The following DYM variants were observed in gnomAD, a reference collection of about 807,000 sequenced individuals.
DYM encodes the protein dyggve-Melchior-Clausen syndrome protein.
A neutral mutation model predicts 93.1 loss-of-function variants in DYM; 78 were observed. That is an observed-to-expected ratio of 0.84 (90% confidence interval 0.70 to 1.01). DYM has a LOEUF of 1.01. Among genes scored for constraint, DYM ranks in the 50% least tolerant of loss-of-function variants. The probability of loss-of-function intolerance (pLI) is 0.00; values close to 1 mark genes in which losing one functional copy is unlikely to be tolerated. For missense variants in DYM, 789 were observed against 845.0 expected, an observed-to-expected ratio of 0.93 and a Z score of 0.82; for synonymous variants, 321 against 319.7, an observed-to-expected ratio of 1.00 and a Z score of -0.04.
Position 49,209,601 on chromosome 18 carries a change from C to T in DYM, c.1575G>A (p.Glu525=), listed in dbSNP as rs531216929. The stretch of plus-strand genomic sequence containing the variant: ...GAGAGCAAGTTAAAGACAAGAGTTC[C>T]TCTCCATTGTCACTGAGGGTCGAGA... ...HCFSTLSDNG[E]ELLSLTCSHI... is the part of the protein sequence containing the mutation. The change falls in exon 14 of 18, where the codon GAG becomes GAA. Residue 525 remains glutamate, a synonymous_variant. Coordinates refer to ENST00000675505, the MANE Select transcript of DYM (RefSeq NM_001353214.3). 1 of 1,289,592 alleles carries T rather than the reference C, an allele frequency of 7.8e-7. No individual in the cohort carries two copies. Among genetic ancestry groups the T allele is most frequent in the East Asian group, 5.5e-5 (1 of 18,032 alleles). The allele number at this position is 1,289,592 out of a possible 1,614,324, so 79.9% of individuals were successfully genotyped here.
At chr18:49,266,167 G>C (rs905058032) in intron 11 of DYM, among the ~76,000 whole-genome samples, 2 of 152,102 alleles carry the variant, frequency 1.3e-5, no homozygotes, top group South Asian at 4.2e-4. Flanking sequence ...ATGAAAAGAA[G>C]TGTGGAATTA....
chr18:49,198,887 C>T (rs2091751677), intron 14 of DYM, among the ~76,000 whole-genome samples: 3 of 151,508 alleles, frequency 2.0e-5, no homozygotes, highest in Admixed American at 1.3e-4. Flanking sequence ...GGTATATACC[C>T]AAAGGATTAT....
chr18:49,191,510 AG>A (rs1479195292), intron 14 of DYM, among the ~76,000 whole-genome samples: 2 of 152,186 alleles, frequency 1.3e-5, no homozygotes, highest in African/African-American at 4.8e-5. Flanking sequence ...AATTTTTATA[AG>A]GATTAGTAGC....
chr18:49,143,772 A>G (rs1440992284), intron 15 of DYM, among the ~76,000 whole-genome samples: 1 of 152,106 alleles, frequency 6.6e-6, no homozygotes, highest in African/African-American at 2.4e-5. Flanking sequence ...GAAATTTCAA[A>G]TATATACAAA....
At chr18:49,434,968 G>A (rs2080692544) in intron 1 of DYM, among the ~76,000 whole-genome samples, 1 of 152,058 alleles carries the variant, frequency 6.6e-6, no homozygotes, top group Non-Finnish European at 1.5e-5. Flanking sequence ...AGCACTTTAG[G>A]AAGCCAAGGC....
At chr18:49,384,504 T>C (rs113011316) in intron 3 of DYM, among the ~76,000 whole-genome samples, 1,626 of 151,086 alleles carry the variant, frequency 0.011, 28 homozygotes, top group African/African-American at 0.038. Context: ...CGCATGCTTG[T>C]AATCCCAACT....
At chr18:49,408,975 C>T (rs2071859012) in intron 2 of DYM, among the ~76,000 whole-genome samples, 1 of 152,068 alleles carries the variant, frequency 6.6e-6, no homozygotes. Flanking sequence ...TCAGTTGTGA[C>T]AGAAAAAGTA....
At chr18:49,347,864 T>G (rs9948397) in intron 6 of DYM, among the ~76,000 whole-genome samples, 3,970 of 152,318 alleles carry the variant, frequency 0.026, 160 homozygotes, top group African/African-American at 0.089. Flanking sequence ...ATCTTTCTTG[T>G]TTTAATGTCA....
intron 15 of DYM, among the ~76,000 whole-genome samples, chr18:49,138,145 T>C (rs1211154614): frequency 6.6e-6 from 1 of 152,204 alleles, no homozygotes; most frequent in East Asian, 1.9e-4. Context: ...TGCCATGATC[T>C]GAACTAATTT....
At chr18:49,267,894 C>T (rs556459196) in intron 11 of DYM, among the ~76,000 whole-genome samples, 27 of 149,888 alleles carry the variant, frequency 1.8e-4, no homozygotes, top group Admixed American at 4.0e-4. Flanking sequence ...GAGACTGTGT[C>T]TCAAACAAAC....
intron 8 of DYM, among the ~76,000 whole-genome samples, chr18:49,318,797 C>CT (rs932617888): frequency 0.038 from 4,392 of 114,320 alleles, 362 homozygotes; most frequent in African/African-American, 0.098. Flanking sequence ...ATTTCTTTTT[C>CT]TTTTTTTTTT....
intron 2 of DYM, among the ~76,000 whole-genome samples, chr18:49,410,660 A>G (rs959986959): frequency 2.6e-5 from 4 of 152,018 alleles, no homozygotes; most frequent in African/African-American, 9.7e-5. Flanking sequence ...AAAAAAAAAA[A>G]AAATTAGCTG....
At chr18:49,289,881 A>G (rs2059999666) in intron 8 of DYM, among the ~76,000 whole-genome samples, 1 of 149,582 alleles carries the variant, frequency 6.7e-6, no homozygotes, top group Non-Finnish European at 1.5e-5. Flanking sequence ...AAATGTAATG[A>G]TGATGAGATG....
At chr18:49,161,261 T>C (rs1833248861) in intron 15 of DYM, among the ~76,000 whole-genome samples, 1 of 152,204 alleles carries the variant, frequency 6.6e-6, no homozygotes, top group South Asian at 2.1e-4. Flanking sequence ...TTCACAGGAC[T>C]GTTACAAATT....
At chr18:49,321,883 T>C (rs1359305616) in intron 8 of DYM, among the ~76,000 whole-genome samples, 1 of 152,144 alleles carries the variant, frequency 6.6e-6, no homozygotes, top group Non-Finnish European at 1.5e-5. Context: ...AGTGTTTTAA[T>C]TAGAAATCTG....
intron 14 of DYM, among the ~76,000 whole-genome samples, chr18:49,198,010 A>G (rs2091634274): frequency 2.6e-5 from 4 of 152,222 alleles, no homozygotes; most frequent in Admixed American, 2.6e-4. Flanking sequence ...CCAAAACAGC[A>G]TGGTACTGGT....
rs181057634 is a variant in DYM, at chr18:49,446,851, G to C, written c.-54+13547C>G. On this transcript the variant is annotated intron_variant, in intron 1 of 17. Transcript: ENST00000675505. ...AAGTGGGTGGATCACCTGAGGTCAG[G>C]AGTTCGAGACCAACCTGGCCAACAC... Among the ~76,000 whole-genome samples, 4 of 152,248 alleles carry C rather than the reference G, an allele frequency of 2.6e-5. No homozygotes were observed. The East Asian group carries it at 7.7e-4, about 29-fold the overall frequency.
chr18:49,242,760 C>T (rs1352711816), intron 13 of DYM, among the ~76,000 whole-genome samples: 5 of 152,164 alleles, frequency 3.3e-5, no homozygotes, highest in African/African-American at 9.7e-5. Context: ...AGTGCAGTGG[C>T]GCCATCTTGG....
chr18:49,420,199 C>T (rs1010668893), intron 2 of DYM, among the ~76,000 whole-genome samples: 2 of 125,280 alleles, frequency 1.6e-5, no homozygotes, highest in East Asian at 4.9e-4. Context: ...TGGAGTCTTG[C>T]TCTTGTCGCC....
Sources: gnomAD v4.1 joint callset for allele counts (sites outside exome capture counted in the v4.1 genomes callset) on GRCh38, gnomAD v4.1.1 for gene constraint, MANE v1.5 for transcripts, NCBI Gene and HGNC (gene_info 2026-07-23, HGNC 2026-07-21) for gene names.